The following PRKAR2A variants were observed in gnomAD, a reference collection of about 807,000 sequenced individuals.
The protein encoded by PRKAR2A is protein kinase cAMP-dependent type II regulatory subunit alpha.
A neutral mutation model predicts 51.9 loss-of-function variants in PRKAR2A; 29 were observed. The ratio of observed to expected loss-of-function variants is 0.56; its 90% CI spans 0.42 to 0.76. The LOEUF (loss-of-function observed/expected upper bound fraction) is 0.76. PRKAR2A is among the 30% of genes least tolerant of loss of function. PRKAR2A has a pLI of 0.00. For synonymous variants in PRKAR2A, 178 were observed against 186.2 expected, an observed-to-expected ratio of 0.96 and a Z score of 0.36; for missense variants, 445 against 512.1, an observed-to-expected ratio of 0.87 and a Z score of 1.26.
intron 4 of PRKAR2A, 21 bp from the exon 5 acceptor site, chr3:48,783,113 G>T: frequency 6.7e-7 from 1 of 1,499,696 alleles, no homozygotes. Flanking sequence ...TGCACAAGAA[G>T]AAAAAAATAG....
intron 4 of PRKAR2A, among the ~76,000 whole-genome samples, chr3:48,785,685 C>T (rs2082279986): frequency 6.6e-6 from 1 of 152,110 alleles, no homozygotes; most frequent in Admixed American, 6.6e-5. Flanking sequence ...GCGTGAGCTA[C>T]CTTGCCTAGC....
At position 48,773,148 on chromosome 3, in the gene PRKAR2A, G is replaced by A. The variant is rs752978149; in HGVS notation, c.543-40C>T. ...AAGAATAATTTAATTAGTTACTTCT[G>A]ATAATAAATGTTAAGAACTGGCAGG... On this transcript the variant is annotated intron_variant, in intron 5 of 10. Coordinates refer to ENST00000265563, the MANE Select transcript of PRKAR2A (RefSeq NM_004157.4). The A allele has an allele frequency of 4.6e-6, 7 of 1,517,000 alleles. No homozygotes were observed. In the Admixed American group the frequency reaches 5.4e-5, roughly 12 times the overall value. The allele number at this position is 1,517,000 out of a possible 1,614,324, so 94.0% of individuals were successfully genotyped here.
chr3:48,837,285 C>T (rs571766230), intron 1 of PRKAR2A, among the ~76,000 whole-genome samples: 2 of 152,186 alleles, frequency 1.3e-5, no homozygotes, highest in South Asian at 4.1e-4. Context: ...ACCAGGGCAA[C>T]AGAGTGACAC....
intron 4 of PRKAR2A, among the ~76,000 whole-genome samples, chr3:48,789,846 T>TCC (rs984664712): frequency 6.6e-6 from 1 of 151,524 alleles, no homozygotes; most frequent in Non-Finnish European, 1.5e-5. Flanking sequence ...CCTCTCTCCC[T>TCC]CCCTTCCTTT....
At chr3:48,821,643 C>T (rs2082962185) in intron 1 of PRKAR2A, among the ~76,000 whole-genome samples, 1 of 152,238 alleles carries the variant, frequency 6.6e-6, no homozygotes, top group Admixed American at 6.5e-5. Flanking sequence ...CAGGACCAGG[C>T]ACAGTGGCTC....
chr3:48,825,028 C>CTTTTTTT (rs1168503342), intron 1 of PRKAR2A, among the ~76,000 whole-genome samples: 12 of 74,690 alleles, frequency 1.6e-4, no homozygotes, highest in African/African-American at 4.1e-4. Context: ...ATTTTCTTTT[C>CTTTTTTT]TTTTTTTTTT....
In PRKAR2A at chr3:48,822,262, C is replaced by T. The variant is rs148299402; in HGVS notation, c.263-14578G>A. Among the ~76,000 whole-genome samples, 18 of 151,386 alleles carry T rather than the reference C, an allele frequency of 1.2e-4. No homozygotes were observed. In the East Asian group the frequency reaches 2.5e-3, roughly 21 times the overall value. On this transcript the variant is annotated intron_variant, in intron 1 of 10. Transcript: ENST00000265563. ...TTTCCCAGCATCCAGCCTGGCACTG[C>T]CTCAGACCAGTTCTTCACACAGCTT...
intron 5 of PRKAR2A, among the ~76,000 whole-genome samples, chr3:48,774,799 ACTTT>A (rs897593271): frequency 3.3e-5 from 5 of 152,060 alleles, no homozygotes; most frequent in African/African-American, 9.6e-5. Flanking sequence ...ACTATGCCAC[ACTTT>A]CTTTCTTTCT....
chr3:48,773,942 T>G (rs550363235), intron 5 of PRKAR2A, among the ~76,000 whole-genome samples: 82 of 97,314 alleles, frequency 8.4e-4, no homozygotes, highest in African/African-American at 2.9e-3. Flanking sequence ...CCCCTAGCAA[T>G]CCTCTCACCT....
At chr3:48,800,401 T>C (rs2082569062) in intron 2 of PRKAR2A, among the ~76,000 whole-genome samples, 1 of 150,680 alleles carries the variant, frequency 6.6e-6, no homozygotes, top group African/African-American at 2.4e-5. Context: ...TAGTCCCAGC[T>C]ACTAGAGAGG....
chr3:48,791,592 CAAAAAAAAAAAAA>C (rs35978535), intron 3 of PRKAR2A, among the ~76,000 whole-genome samples: 1 of 41,814 alleles, frequency 2.4e-5, no homozygotes, highest in Non-Finnish European at 3.9e-5. Flanking sequence ...GATTCCGTCT[CAAAAAAAAAAAAA>C]AAAAAAAAAA....
chr3:48,766,565 C>T (rs2081946254), intron 6 of PRKAR2A, among the ~76,000 whole-genome samples: 1 of 151,168 alleles, frequency 6.6e-6, no homozygotes, highest in African/African-American at 2.4e-5. Context: ...GAAACTGTGT[C>T]TCAAAAAAAA....
At chr3:48,753,836 C>T (rs1407017278) in intron 9 of PRKAR2A, among the ~76,000 whole-genome samples, 4 of 151,972 alleles carry the variant, frequency 2.6e-5, no homozygotes, top group African/African-American at 4.8e-5. Flanking sequence ...TCTGAGAAAT[C>T]TACAAACATC....
chr3:48,773,230 T>C (rs1328364673), intron 5 of PRKAR2A, 122 bp from the exon 6 acceptor site: 1 of 757,660 alleles, frequency 1.3e-6, no homozygotes, highest in Non-Finnish European at 2.0e-6. Flanking sequence ...TGCTAGTATA[T>C]AAAAAAAACA....
rs1249525623 is a variant in PRKAR2A at position 48,747,364 on chromosome 3, G to C, written c.*4221C>G. The C allele has an allele frequency of 6.6e-6, 1 of 152,142 alleles. No homozygotes were observed. The highest frequency in any genetic ancestry group is 1.5e-5 in the Non-Finnish European group (1 of 68,030). The allele number at this position is 152,142 out of a possible 1,614,324, so 9.4% of individuals were successfully genotyped here. On this transcript the variant is annotated 3_prime_UTR_variant, in exon 11 of 11. Coordinates refer to ENST00000265563, the MANE Select transcript of PRKAR2A (RefSeq NM_004157.4). ...TTCTTTCTGAATTAGAGGGTAGCTT[G>C]TACACTGTGACATGACATGAAATGC...
At chr3:48,767,136 T>C (rs550194595) in intron 6 of PRKAR2A, among the ~76,000 whole-genome samples, 44 of 152,334 alleles carry the variant, frequency 2.9e-4, no homozygotes, top group African/African-American at 1.0e-3. Flanking sequence ...TAACTACCTT[T>C]CTTCCACCTC....
At chr3:48,780,036 G>A (rs1299286081) in intron 5 of PRKAR2A, among the ~76,000 whole-genome samples, 3 of 151,518 alleles carry the variant, frequency 2.0e-5, no homozygotes, top group African/African-American at 4.8e-5. Flanking sequence ...GCAGGCACCT[G>A]TAGTCCCAGC....
chr3:48,845,884 T>G (rs1272985882), intron 1 of PRKAR2A, among the ~76,000 whole-genome samples: 3 of 151,788 alleles, frequency 2.0e-5, no homozygotes, highest in East Asian at 3.9e-4. Flanking sequence ...AGGTTGGGGT[T>G]GCAGTGAGCC....
chr3:48,765,223 C>T (rs1433382263), intron 7 of PRKAR2A, 25 bp downstream of exon 7: 10 of 1,578,618 alleles, frequency 6.3e-6, no homozygotes, highest in Non-Finnish European at 8.7e-6. Context: ...TCCCCATGAA[C>T]AGATTCTTAT....
Sources: gnomAD v4.1 joint callset for allele counts (sites outside exome capture counted in the v4.1 genomes callset) on GRCh38, gnomAD v4.1.1 for gene constraint, MANE v1.5 for transcripts, NCBI Gene and HGNC (gene_info 2026-07-23, HGNC 2026-07-21) for gene names.